The following DNAAF4 variants were observed in gnomAD, a reference collection of about 807,000 sequenced individuals.
DNAAF4 encodes the protein dynein axonemal assembly factor 4.
In DNAAF4, 43 loss-of-function variants were observed where a neutral mutation model predicts 51.8. The ratio of observed to expected loss-of-function variants is 0.83; its 90% confidence interval spans 0.65 to 1.07. The LOEUF is 1.07. Ranked by LOEUF, DNAAF4 falls within the 50% of genes least tolerant of loss-of-function variation. The pLI is 0.00. For synonymous variants in DNAAF4, 194 were observed against 165.6 expected (o/e 1.17, Z -1.32); for missense variants, 581 against 493.0 (o/e 1.18, Z -1.69).
intron 5 of DNAAF4, among the ~76,000 whole-genome samples, chr15:55,458,535 T>C (rs2058051770): frequency 6.6e-6 from 1 of 152,046 alleles, no homozygotes; most frequent in African/African-American, 2.4e-5. Context: ...CCAAGAAATC[T>C]GAGATTATGT....
chr15:55,472,736 T>A (rs868750002), intron 4 of DNAAF4, among the ~76,000 whole-genome samples: 10 of 152,202 alleles, frequency 6.6e-5, no homozygotes, highest in African/African-American at 2.2e-4. Flanking sequence ...GAATAATGAA[T>A]AGTTCCTACA....
At chr15:55,448,520 GTGTGTGTGTGTGTGTGTGTGT>G (rs1472891156) in intron 6 of DNAAF4, among the ~76,000 whole-genome samples, 7 of 30,392 alleles carry the variant, frequency 2.3e-4, no homozygotes, top group Admixed American at 2.2e-3. Flanking sequence ...AAAAAAAAGG[GTGTGTGTGTGTGTGTGTGTGT>G]GTGTGTGTGT....
chr15:55,501,087 C>T (rs1454641453), intron 1 of DNAAF4, among the ~76,000 whole-genome samples: 2 of 150,888 alleles, frequency 1.3e-5, no homozygotes, highest in East Asian at 1.9e-4. Context: ...TTTTTTCAGA[C>T]GGAGTCTCAC....
intron 4 of DNAAF4, among the ~76,000 whole-genome samples, chr15:55,483,568 T>C (rs12594705): frequency 0.13 from 19,636 of 151,950 alleles, 1,937 homozygotes; most frequent in African/African-American, 0.28. Flanking sequence ...TGAAATGGAG[T>C]CTCACTCTGT....
chr15:55,483,833 CTTTTTTTTTTTTTTTTTTTTTTTTTTT>C (rs71105887), intron 4 of DNAAF4, among the ~76,000 whole-genome samples: 1 of 82,504 alleles, frequency 1.2e-5, no homozygotes. Context: ...GCCAATAAAG[CTTTTTTTTTTTTTTTTTTTTTTTTTTT>C]TTTTTTTTTT....
At chr15:55,453,012 G>A (rs1247636995) in intron 5 of DNAAF4, among the ~76,000 whole-genome samples, 2 of 151,994 alleles carry the variant, frequency 1.3e-5, no homozygotes, top group African/African-American at 4.8e-5. Context: ...ATTTTTAGTA[G>A]ACACGGGTTT....
intron 4 of DNAAF4, among the ~76,000 whole-genome samples, chr15:55,469,196 G>A (rs142832420): frequency 9.2e-5 from 14 of 151,998 alleles, no homozygotes; most frequent in African/African-American, 3.4e-4. Flanking sequence ...GCCGGGCTTG[G>A]TGGCAGGCCC....
At chr15:55,445,291 G>A (rs1281637607) in intron 6 of DNAAF4, among the ~76,000 whole-genome samples, 1 of 151,926 alleles carries the variant, frequency 6.6e-6, no homozygotes, top group Non-Finnish European at 1.5e-5. Flanking sequence ...AGCACATCTT[G>A]CACCGCCCTT....
chr15:55,420,060 T>G (rs2057375489), intron 7 of DNAAF4, among the ~76,000 whole-genome samples: 1 of 152,102 alleles, frequency 6.6e-6, no homozygotes, highest in Non-Finnish European at 1.5e-5. Flanking sequence ...AATTAATATG[T>G]GATAATTTTT....
intron 7 of DNAAF4, among the ~76,000 whole-genome samples, chr15:55,423,920 T>C (rs2057408769): frequency 2.0e-5 from 3 of 152,134 alleles, no homozygotes; most frequent in Admixed American, 1.3e-4. Flanking sequence ...TGAAAAGCCA[T>C]CTCTACTAAA....
chr15:55,481,901 A>T (rs2058416088), intron 4 of DNAAF4, among the ~76,000 whole-genome samples: 1 of 152,188 alleles, frequency 6.6e-6, no homozygotes, highest in Non-Finnish European at 1.5e-5. Flanking sequence ...ACTTCACTTC[A>T]GCCTCTGATT....
chr15:55,499,870 T>G (rs1382390607), intron 1 of DNAAF4, among the ~76,000 whole-genome samples: 3 of 152,194 alleles, frequency 2.0e-5, no homozygotes, highest in African/African-American at 4.8e-5. Context: ...TCGTATAGAT[T>G]AGTAGCAGAC....
chr15:55,496,427 C>T (rs2141599897), intron 3 of DNAAF4, among the ~76,000 whole-genome samples: 1 of 152,268 alleles, frequency 6.6e-6, no homozygotes, highest in African/African-American at 2.4e-5. Context: ...AGTGAAACTG[C>T]TAAGGCTCCA....
intron 3 of DNAAF4, among the ~76,000 whole-genome samples, chr15:55,494,754 T>C (rs898565732): frequency 6.6e-5 from 10 of 152,106 alleles, no homozygotes; most frequent in Non-Finnish European, 1.2e-4. Flanking sequence ...AAATCAGAGG[T>C]TGGCAAACTA....
chr15:55,440,736 C>T (rs1344264336), intron 6 of DNAAF4, among the ~76,000 whole-genome samples: 1 of 151,224 alleles, frequency 6.6e-6, no homozygotes, highest in African/African-American at 2.4e-5. Flanking sequence ...GGCTGGAGTA[C>T]AGTAGCACAA....
chr15:55,439,542 T>C lies in DNAAF4; in HGVS notation c.823A>G (p.Thr275Ala), dbSNP rs756963484. 5.6e-6 allele frequency: 9 copies of C among 1,614,134 alleles called. No homozygotes were observed. In the East Asian group the frequency reaches 1.6e-4, roughly 28 times the overall value. Residue 275 changes from threonine to alanine, a missense_variant, in exon 7 of 10, where the codon ACT becomes GCT. Transcript: ENST00000321149. The stretch of plus-strand genomic sequence containing the variant: ...AAATCGCAAAGTTCAGCTATGTCAG[T>C]ATTCATTGCTCTTCGTGCCTCAGCT... The part of the protein sequence containing the change: ...KQAEARRAMN[T>A]DIAELCDLKE...
intron 1 of DNAAF4, among the ~76,000 whole-genome samples, chr15:55,505,615 A>G (rs964918481): frequency 1.3e-5 from 2 of 152,210 alleles, no homozygotes; most frequent in Admixed American, 1.3e-4. Flanking sequence ...CGTCCTTTGC[A>G]GGGACATGGA....
intron 4 of DNAAF4, among the ~76,000 whole-genome samples, chr15:55,486,514 C>G (rs917512557): frequency 6.6e-6 from 1 of 152,022 alleles, no homozygotes; most frequent in Non-Finnish European, 1.5e-5. Flanking sequence ...CTTTACCAAG[C>G]AAAGTAAAAA....
At chr15:55,438,690 C>G (rs1192582798) in intron 7 of DNAAF4, among the ~76,000 whole-genome samples, 1 of 151,274 alleles carries the variant, frequency 6.6e-6, no homozygotes, top group Non-Finnish European at 1.5e-5. Context: ...GAGGCTGAGG[C>G]AGAAGAACTG....
Sources: allele counts gnomAD v4.1 joint callset (sites outside exome capture counted in the v4.1 genomes callset), GRCh38; gene constraint gnomAD v4.1.1; transcripts MANE v1.5; gene names NCBI Gene and HGNC (gene_info 2026-07-23, HGNC 2026-07-21).